The following PCDHGA1 variants were observed in gnomAD, a reference collection of about 807,000 sequenced individuals.
PCDHGA1 encodes the protein protocadherin gamma subfamily A, 1.
Under a neutral mutation model 58.0 loss-of-function variants are expected in PCDHGA1, and 32 were observed. That is an observed-to-expected ratio of 0.55 (90% confidence interval 0.42 to 0.74). PCDHGA1 has a LOEUF of 0.74. Ranked by LOEUF, PCDHGA1 falls within the 30% of genes least tolerant of loss-of-function variation. The pLI is 0.00. For synonymous variants in PCDHGA1, 498 were observed against 501.1 expected (o/e 0.99, Z 0.08); for missense variants, 1,205 against 1,182.3 (o/e 1.02, Z -0.28).
Position 141,332,173 on chromosome 5 carries a change from CA to C in PCDHGA1, c.1490del (p.Gln497ArgfsTer34), listed in dbSNP as rs1269309474. On this transcript the variant is annotated frameshift_variant, in exon 1 of 4. Coordinates refer to ENST00000517417, the MANE Select transcript of PCDHGA1 (RefSeq NM_018912.3). LOFTEE classifies it high-confidence loss of function. This position sits in a 1 kb window ranked among gnomAD's most constrained non-coding sequence, Gnocchi z 4.6. ...ITYSLIEDTI[Q>X]GAPLSAYLSI... ...TTACTCCCTAATAGAGGACACTATC[CA>C]GGGGGCACCCCTATCTGCCTACCTC... 6.2e-7 allele frequency: 1 copy of C among 1,614,212 alleles called. No individual in the cohort carries two copies.
rs980122657 is a variant in PCDHGA1, at chr5:141,511,379, C to G, written c.*206C>G. The G allele has an allele frequency of 2.9e-5, 34 of 1,169,842 alleles. No individual in the cohort carries two copies. The highest frequency in any genetic ancestry group is 3.9e-5 in the Non-Finnish European group (33 of 853,834). The allele number at this position is 1,169,842 out of a possible 1,614,324, so 72.5% of individuals were successfully genotyped here. ...GGGGGTTGAATATGCAAAAGCAGTT[C>G]CGCTGGGAACCCCCATCCAATCAAC... On this transcript the variant is annotated 3_prime_UTR_variant, in exon 4 of 4. Transcript: ENST00000517417.
chr5:141,437,252 CTT>C (rs1030396727), intron 1 of PCDHGA1, among the ~76,000 whole-genome samples: 3 of 152,268 alleles, frequency 2.0e-5, no homozygotes, highest in Admixed American at 6.5e-5. Context: ...CTTTCCTTGT[CTT>C]TTTATGTGTA....
chr5:141,393,543 C>T lies in PCDHGA1; in HGVS notation c.2421+60438C>T, dbSNP rs763455922. On this transcript the variant is annotated intron_variant, in intron 1 of 3. Coordinates refer to ENST00000517417, the MANE Select transcript of PCDHGA1 (RefSeq NM_018912.3). ...AAATGACAATGCCCCGGTTTTTCCT[C>T]ACCCGATTTACCGAGTGAAAGTCCT... is the stretch of plus-strand genomic sequence containing the variant. 7 of 1,613,870 alleles carry T rather than the reference C, an allele frequency of 4.3e-6. No individual in the cohort carries two copies. In the Admixed American group the frequency reaches 8.3e-5, roughly 19 times the overall value.
At chr5:141,370,529 G>C in intron 1 of PCDHGA1, 2 of 1,613,942 alleles carry the variant, frequency 1.2e-6, no homozygotes, top group Non-Finnish European at 1.7e-6. Context: ...ACAGGGGCTC[G>C]CTGGTAGGGA....
At chr5:141,402,335 G>A (rs1157845729) in intron 1 of PCDHGA1, among the ~76,000 whole-genome samples, 1 of 151,508 alleles carries the variant, frequency 6.6e-6, no homozygotes, top group Non-Finnish European at 1.5e-5. Context: ...CAAATATATA[G>A]GTATAAAAAT....
chr5:141,498,009 C>A (rs1160103624), intron 2 of PCDHGA1, among the ~76,000 whole-genome samples: 1 of 152,146 alleles, frequency 6.6e-6, no homozygotes, highest in Non-Finnish European at 1.5e-5. Context: ...TTACAGTGCA[C>A]TGAAGGAGAC....
intron 1 of PCDHGA1, chr5:141,423,278 A>C: frequency 1.2e-6 from 2 of 1,613,940 alleles, no homozygotes; most frequent in Non-Finnish European, 1.7e-6. Flanking sequence ...TCTCTGGCTA[A>C]CTCTGAAACC....
At chr5:141,458,651 C>T (rs924873907) in intron 1 of PCDHGA1, among the ~76,000 whole-genome samples, 1 of 152,114 alleles carries the variant, frequency 6.6e-6, no homozygotes. Context: ...CTCACTGCAA[C>T]CTCCACCTCT....
At chr5:141,382,133 T>C (rs1420684997) in intron 1 of PCDHGA1, among the ~76,000 whole-genome samples, 3 of 152,068 alleles carry the variant, frequency 2.0e-5, no homozygotes, top group Admixed American at 6.6e-5. Context: ...TGGCCCCCCC[T>C]CTCATTTTTT....
chr5:141,396,996 C>G (rs1435849865), intron 1 of PCDHGA1, among the ~76,000 whole-genome samples: 1 of 152,218 alleles, frequency 6.6e-6, no homozygotes, highest in Non-Finnish European at 1.5e-5. Context: ...TTTTATTAAT[C>G]TGACAAATGG....
intron 1 of PCDHGA1, chr5:141,384,141 ACT>A (rs765902130): frequency 2.4e-5 from 38 of 1,612,656 alleles, no homozygotes; most frequent in Admixed American, 1.8e-4. Context: ...ACCGGGAAAC[ACT>A]CTCTTTGTAT....
At chr5:141,496,817 T>C (rs2099771666) in intron 2 of PCDHGA1, among the ~76,000 whole-genome samples, 1 of 151,020 alleles carries the variant, frequency 6.6e-6, no homozygotes, top group Non-Finnish European at 1.5e-5. Flanking sequence ...AGTGAACAAG[T>C]AGATGTGATC....
chr5:141,414,868 G>C, intron 1 of PCDHGA1: 1 of 1,614,216 alleles, frequency 6.2e-7, no homozygotes, highest in Non-Finnish European at 8.5e-7. Flanking sequence ...CAATGCGCCC[G>C]AGATCCTGTA....
At chr5:141,500,348 A>G (rs2099799436) in intron 2 of PCDHGA1, among the ~76,000 whole-genome samples, 1 of 151,950 alleles carries the variant, frequency 6.6e-6, no homozygotes, top group Non-Finnish European at 1.5e-5. Context: ...AGCTGGGACT[A>G]CAGGCGCCCA....
chr5:141,362,306 G>A, intron 1 of PCDHGA1: 1 of 1,614,050 alleles, frequency 6.2e-7, no homozygotes, highest in Non-Finnish European at 8.5e-7. Context: ...TCAGATGCTT[G>A]GGACTGTTTT....
intron 1 of PCDHGA1, chr5:141,344,190 G>A: frequency 6.2e-7 from 1 of 1,613,974 alleles, no homozygotes; most frequent in Non-Finnish European, 8.5e-7. Flanking sequence ...TAACGACCTG[G>A]GGCTAGAGCC....
chr5:141,337,793 A>G (rs1033904968), intron 1 of PCDHGA1, among the ~76,000 whole-genome samples: 2 of 152,262 alleles, frequency 1.3e-5, no homozygotes, highest in African/African-American at 4.8e-5. Context: ...AAACAAGAGT[A>G]AGAAGACATC....
rs767147642 is a variant in PCDHGA1 at position 141,356,594 on chromosome 5, A to G, written c.2421+23489A>G. 4 of 1,613,994 alleles carry G rather than the reference A, an allele frequency of 2.5e-6. No individual in the cohort carries two copies. The South Asian group carries it at 4.4e-5, about 18-fold the overall frequency. On this transcript the variant is annotated intron_variant, in intron 1 of 3. Transcript: ENST00000517417. ...TACTCTGCTTACATTCCTGAAAACA[A>G]CCCCAGAGGAGCCTCCATCTTATCT...
intron 1 of PCDHGA1, chr5:141,373,960 G>A: frequency 1.1e-6 from 1 of 939,502 alleles, no homozygotes; most frequent in African/African-American, 1.7e-5. Flanking sequence ...ATTCTGACCT[G>A]AAACGCTTCG....
Sources: gnomAD v4.1 joint callset for allele counts (sites outside exome capture counted in the v4.1 genomes callset) on GRCh38, gnomAD v4.1.1 for gene constraint, Gnocchi (gnomAD v3.1) non-coding constraint, MANE v1.5 for transcripts, NCBI Gene and HGNC (gene_info 2026-07-23, HGNC 2026-07-21) for gene names.